RHEB: variants seen among roughly 807,000 people sequenced by gnomAD.
RHEB encodes GTP-binding protein Rheb.
In RHEB, 2 loss-of-function variants were observed where a neutral mutation model predicts 28.8. The ratio of observed to expected loss-of-function variants is 0.07; its 90% CI spans 0.03 to 0.22. The LOEUF (loss-of-function observed/expected upper bound fraction) is 0.22, where lower values mean the gene tolerates loss of function less well. Ranked by LOEUF, RHEB falls within the 10% of genes least tolerant of loss-of-function variation. RHEB has a pLI of 1.00. For synonymous variants in RHEB, 69 were observed against 77.3 expected (o/e 0.89, Z 0.56); for missense variants, 76 against 219.9 (o/e 0.35, Z 4.14).
chr7:151,489,910 C>A (rs924826594), intron 2 of RHEB, among the ~76,000 whole-genome samples: 5 of 152,236 alleles, frequency 3.3e-5, no homozygotes, highest in Admixed American at 6.5e-5. Flanking sequence ...TCAGCCAAAG[C>A]ATTCAAGTGA....
At chr7:151,484,924 T>A in intron 2 of RHEB, 120 bp from the exon 3 acceptor site, 1 of 625,642 alleles carries the variant, frequency 1.6e-6, no homozygotes, top group Non-Finnish European at 2.8e-6. Context: ...AAAGGCCCCA[T>A]GAAACAAAAA....
chr7:151,478,661 G>C (rs1413971080), intron 3 of RHEB, among the ~76,000 whole-genome samples: 2 of 151,902 alleles, frequency 1.3e-5, no homozygotes, highest in Non-Finnish European at 2.9e-5. Flanking sequence ...TTGAGACGTA[G>C]TTTCCCTCTT....
intron 1 of RHEB, among the ~76,000 whole-genome samples, chr7:151,512,095 T>C (rs1315999990): frequency 6.6e-6 from 1 of 152,202 alleles, no homozygotes; most frequent in African/African-American, 2.4e-5. Flanking sequence ...CAGAATAAAT[T>C]AGAACTAAGA....
rs541657971 is a variant in RHEB, at chr7:151,470,830, G to A, written c.381-178C>T. ...ACAGGAGTGTTTTAATTACGCCTGA[G>A]CTGGGGAACAGAATAGACATTGCTT... On this transcript the variant is annotated intron_variant, in intron 6 of 7. Coordinates refer to ENST00000262187, the MANE Select transcript of RHEB (RefSeq NM_005614.4). Among the ~76,000 whole-genome samples the A allele has an allele frequency of 9.1e-4, 139 of 152,334 alleles. 1 individual carries two copies. Among genetic ancestry groups the A allele is most frequent in the African/African-American group, 3.2e-3 (131 of 41,576 alleles).
In RHEB at chr7:151,466,806, A is replaced by T. The variant is rs1473204020; in HGVS notation, c.*313T>A. On this transcript the variant is annotated 3_prime_UTR_variant, in exon 8 of 8. Transcript: ENST00000262187. ...AGTTAATAGTAGTGTAACAATATGC[A>T]TCATTTTGATGATTACATTATTTTA... is the stretch of plus-strand genomic sequence containing the variant. 3.7e-6 allele frequency: 1 copy of T among 267,076 alleles called. No homozygotes were observed. The highest frequency in any genetic ancestry group is 7.1e-6 in the Non-Finnish European group (1 of 140,056). 16.5% of individuals were successfully genotyped at this position (267,076 alleles called of 1,614,324 possible).
At chr7:151,478,761 G>A (rs1407749481) in intron 3 of RHEB, among the ~76,000 whole-genome samples, 2 of 152,006 alleles carry the variant, frequency 1.3e-5, no homozygotes, top group East Asian at 3.9e-4. Context: ...TCAGCCTCCT[G>A]AGTAGCTGGG....
chr7:151,487,350 GT>G (rs1450550320), intron 2 of RHEB, among the ~76,000 whole-genome samples: 1 of 152,108 alleles, frequency 6.6e-6, no homozygotes, highest in African/African-American at 2.4e-5. Context: ...GGGGGGAGAG[GT>G]TGCGGCTGAG....
At position 151,519,793 on chromosome 7, in the gene RHEB, G is replaced by T. The variant is rs1469287822; in HGVS notation, c.-282C>A. On this transcript the variant is annotated 5_prime_UTR_variant, in exon 1 of 8. Coordinates refer to ENST00000262187, the MANE Select transcript of RHEB (RefSeq NM_005614.4). ...CCGCCTCCGCCCCCCGAAATACGCGGGGGGTGCGTCGGGGCGACGTTTTAC... is the reference window on the plus strand; with the variant it reads ...CCGCCTCCGCCCCCCGAAATACGCGTGGGGTGCGTCGGGGCGACGTTTTAC... 3.2e-6 allele frequency: 1 copy of T among 313,930 alleles called. No individual in the cohort carries two copies. The highest frequency in any genetic ancestry group is 5.8e-6 in the Non-Finnish European group (1 of 171,722). 19.4% of individuals were successfully genotyped at this position (313,930 alleles called of 1,614,324 possible).
intron 1 of RHEB, among the ~76,000 whole-genome samples, chr7:151,504,550 C>A (rs1322149860): frequency 1.3e-5 from 2 of 152,152 alleles, no homozygotes; most frequent in Non-Finnish European, 2.9e-5. Flanking sequence ...TATAAGTGGG[C>A]CCACACAGTT....
intron 1 of RHEB, among the ~76,000 whole-genome samples, chr7:151,498,843 C>A (rs776049030): frequency 1.9e-4 from 29 of 152,216 alleles, no homozygotes; most frequent in Non-Finnish European, 3.4e-4. Context: ...CCAGCTCTAC[C>A]TCCTAACAGC....
At chr7:151,502,452 C>T in intron 1 of RHEB, 5 of 828,848 alleles carry the variant, frequency 6.0e-6, no homozygotes, top group Non-Finnish European at 1.1e-5. Context: ...AAAGTACCTC[C>T]AGATGGTCTG....
intron 1 of RHEB, chr7:151,497,956 C>T (rs985334693): frequency 2.3e-5 from 9 of 397,628 alleles, no homozygotes; most frequent in African/African-American, 1.5e-4. Flanking sequence ...ATTGATTAGG[C>T]TCCCCTTTGC....
At chr7:151,492,838 A>ACCTTT (rs1554438808) in intron 1 of RHEB, among the ~76,000 whole-genome samples, 1 of 125,184 alleles carries the variant, frequency 8.0e-6, no homozygotes, top group East Asian at 2.3e-4. Flanking sequence ...AATTCTCAAC[A>ACCTTT]TTTTTTTTTT....
intron 1 of RHEB, among the ~76,000 whole-genome samples, chr7:151,511,345 C>T (rs1372627797): frequency 6.6e-6 from 1 of 152,180 alleles, no homozygotes; most frequent in African/African-American, 2.4e-5. Context: ...CTTCTGCAAA[C>T]ATGTAAGCAC....
intron 1 of RHEB, among the ~76,000 whole-genome samples, chr7:151,500,954 AG>A (rs1447317617): frequency 6.6e-6 from 1 of 152,128 alleles, no homozygotes; most frequent in Non-Finnish European, 1.5e-5. Flanking sequence ...ACTGCATACC[AG>A]CCTGGGTGAC....
intron 2 of RHEB, among the ~76,000 whole-genome samples, chr7:151,486,306 C>T (rs549429476): frequency 9.5e-4 from 144 of 152,142 alleles, no homozygotes; most frequent in African/African-American, 3.4e-3. Flanking sequence ...TGAAAGGAAA[C>T]ATCATTCATT....
At chr7:151,490,618 T>G (rs968142218) in intron 2 of RHEB, among the ~76,000 whole-genome samples, 8 of 152,192 alleles carry the variant, frequency 5.3e-5, no homozygotes, top group Non-Finnish European at 4.4e-5. Context: ...CCCTGGAAAC[T>G]GCAATGGCTG....
intron 1 of RHEB, among the ~76,000 whole-genome samples, chr7:151,509,316 T>C (rs1226151042): frequency 6.6e-6 from 1 of 152,168 alleles, no homozygotes; most frequent in Non-Finnish European, 1.5e-5. Context: ...ATGGGAACTG[T>C]GCCCTGTGTG....
intron 1 of RHEB, among the ~76,000 whole-genome samples, chr7:151,518,485 A>T (rs1434133807): frequency 6.6e-6 from 1 of 152,090 alleles, no homozygotes; most frequent in African/African-American, 2.4e-5. Flanking sequence ...CAGCCCGAAA[A>T]GATGAACTAA....
Sources: allele counts gnomAD v4.1 joint callset (sites outside exome capture counted in the v4.1 genomes callset), GRCh38; gene constraint gnomAD v4.1.1; transcripts MANE v1.5; gene names NCBI Gene and HGNC (gene_info 2026-07-23, HGNC 2026-07-21).